The following PTPN13 variants were observed in gnomAD, a reference collection of about 807,000 sequenced individuals.
The protein encoded by PTPN13 is protein tyrosine phosphatase non-receptor type 13.
PTPN13 carries 191 observed loss-of-function variants against 284.0 expected under a neutral mutation model. The ratio of observed to expected loss-of-function variants is 0.67; its 90% CI spans 0.60 to 0.76. The LOEUF is 0.76. PTPN13 is among the 30% of genes least tolerant of loss of function. PTPN13 has a pLI of 0.00. For missense variants in PTPN13, 2,797 were observed against 2,939.9 expected, an observed-to-expected ratio of 0.95 and a Z score of 1.12; for synonymous variants, 986 against 1,022.3, an observed-to-expected ratio of 0.96 and a Z score of 0.68.
chr4:86,702,637 T>G (rs1055844257), intron 7 of PTPN13, among the ~76,000 whole-genome samples: 3 of 152,154 alleles, frequency 2.0e-5, no homozygotes, highest in African/African-American at 7.2e-5. Flanking sequence ...ATATGTTGAT[T>G]GGAGTAAAAT....
intron 40 of PTPN13, among the ~76,000 whole-genome samples, chr4:86,789,010 A>C (rs1430437833): frequency 6.6e-6 from 1 of 152,220 alleles, no homozygotes; most frequent in East Asian, 1.9e-4. Flanking sequence ...TTAAGCTAGG[A>C]AAGAGCATTC....
At position 86,771,437 on chromosome 4, in the gene PTPN13, A is replaced by G. The variant is rs1426745042; in HGVS notation, c.5070A>G (p.Ala1690=). 1 of 1,565,788 alleles carries G rather than the reference A, an allele frequency of 6.4e-7. No individual in the cohort carries two copies. Among genetic ancestry groups the G allele is most frequent in the South Asian group, 1.2e-5 (1 of 85,230 alleles). Reference sequence around the variant, plus strand: ...CTCTAAGCAACATGGTATCACAGGCACAGAGTCATCATGAAGCACCCAAGA... The same window carrying G: ...CTCTAAGCAACATGGTATCACAGGCGCAGAGTCATCATGAAGCACCCAAGA... ...HQTLSNMVSQ[A]QSHHEAPKSQ... Residue 1690 remains alanine, a synonymous_variant, in exon 31 of 48, where the codon GCA becomes GCG. Transcript: ENST00000411767.
At chr4:86,698,226 G>C (rs1047230741) in intron 6 of PTPN13, among the ~76,000 whole-genome samples, 3 of 152,134 alleles carry the variant, frequency 2.0e-5, no homozygotes, top group African/African-American at 7.2e-5. Flanking sequence ...TAAGGTAAAA[G>C]ATTTAAGGAT....
rs192806773 is a variant in PTPN13 at position 86,726,711 on chromosome 4, G to T, written c.1608+4277G>T. ...TGCTTATCAGCTTAAGGAGATTCGG[G>T]GCTGAGACGATGGGGTTTTCTAAAT... On this transcript the variant is annotated intron_variant, in intron 10 of 47. Transcript: ENST00000411767. Among the ~76,000 whole-genome samples, 5 of 149,354 alleles carry T rather than the reference G, an allele frequency of 3.3e-5. No individual in the cohort carries two copies. In the East Asian group the frequency reaches 9.7e-4, roughly 29 times the overall value.
chr4:86,685,068 A>G (rs1386591246), intron 3 of PTPN13, among the ~76,000 whole-genome samples: 1 of 152,072 alleles, frequency 6.6e-6, no homozygotes, highest in Non-Finnish European at 1.5e-5. Context: ...TTTAGCTTCA[A>G]TCTCCTTATC....
intron 23 of PTPN13, 21 bp from the exon 24 acceptor site, chr4:86,762,706 T>C (rs1348159781): frequency 6.5e-7 from 1 of 1,533,296 alleles, no homozygotes; most frequent in Non-Finnish European, 9.0e-7. Flanking sequence ...GTTACTCTCA[T>C]TGATGGATTT....
intron 2 of PTPN13, among the ~76,000 whole-genome samples, chr4:86,654,165 T>C (rs1190715145): frequency 6.6e-6 from 1 of 151,936 alleles, no homozygotes; most frequent in Non-Finnish European, 1.5e-5. Context: ...AAGAAATAAC[T>C]AAGACCAGAG....
intron 42 of PTPN13, among the ~76,000 whole-genome samples, chr4:86,802,168 T>C (rs560871674): frequency 1.3e-5 from 2 of 152,034 alleles, no homozygotes; most frequent in East Asian, 3.9e-4. Context: ...TGTGTGTGTG[T>C]GTGTGTGTGT....
intron 37 of PTPN13, 82 bp downstream of exon 37, chr4:86,782,344 C>T: frequency 8.0e-7 from 1 of 1,243,624 alleles, no homozygotes; most frequent in Non-Finnish European, 1.2e-6. Flanking sequence ...AAACTGATTT[C>T]ATATTTAAAT....
At chr4:86,655,283 T>A (rs1265960991) in intron 2 of PTPN13, among the ~76,000 whole-genome samples, 1 of 151,786 alleles carries the variant, frequency 6.6e-6, no homozygotes, top group Non-Finnish European at 1.5e-5. Context: ...ATCCTGTCAT[T>A]ATGATGTTAG....
chr4:86,629,506 T>C (rs1330342047), intron 1 of PTPN13, among the ~76,000 whole-genome samples: 4 of 152,164 alleles, frequency 2.6e-5, no homozygotes, highest in African/African-American at 7.2e-5. Flanking sequence ...GGTGGGACTG[T>C]GGTTCATTTT....
At chr4:86,752,548 C>T (rs1225334896) in intron 19 of PTPN13, among the ~76,000 whole-genome samples, 1 of 152,140 alleles carries the variant, frequency 6.6e-6, no homozygotes, top group East Asian at 1.9e-4. Context: ...AACGGGGCCT[C>T]ATACATTCTA....
intron 2 of PTPN13, among the ~76,000 whole-genome samples, chr4:86,637,447 C>T (rs1161715877): frequency 8.9e-4 from 134 of 150,686 alleles, no homozygotes; most frequent in Non-Finnish European, 1.3e-3. Context: ...ACTGGCAAAC[C>T]GAATCCAGCA....
At chr4:86,806,707 A>T (rs945633047) in intron 44 of PTPN13, among the ~76,000 whole-genome samples, 1 of 152,216 alleles carries the variant, frequency 6.6e-6, no homozygotes, top group African/African-American at 2.4e-5. Flanking sequence ...GAGAAGGGCA[A>T]TTGGTAGGGG....
At chr4:86,740,625 G>A (rs1736073735) in intron 15 of PTPN13, among the ~76,000 whole-genome samples, 1 of 152,152 alleles carries the variant, frequency 6.6e-6, no homozygotes, top group African/African-American at 2.4e-5. Context: ...CCATTGTCTT[G>A]GTGATTAACA....
intron 1 of PTPN13, among the ~76,000 whole-genome samples, chr4:86,600,205 G>A (rs533629404): frequency 6.6e-6 from 1 of 152,124 alleles, no homozygotes; most frequent in South Asian, 2.1e-4. Context: ...AGCTAAGACT[G>A]TGTCATCAAA....
intron 4 of PTPN13, among the ~76,000 whole-genome samples, chr4:86,688,452 A>G (rs959071446): frequency 2.0e-5 from 3 of 152,086 alleles, no homozygotes; most frequent in African/African-American, 7.2e-5. Flanking sequence ...ATTCAGATAT[A>G]ATATTCTACA....
At chr4:86,789,031 G>A (rs905952899) in intron 40 of PTPN13, among the ~76,000 whole-genome samples, 1 of 152,182 alleles carries the variant, frequency 6.6e-6, no homozygotes, top group African/African-American at 2.4e-5. Flanking sequence ...CATACATACC[G>A]TGGAGCTGCT....
chr4:86,743,186 CT>C (rs1320101408), intron 16 of PTPN13, among the ~76,000 whole-genome samples: 2 of 152,190 alleles, frequency 1.3e-5, no homozygotes, highest in African/African-American at 4.8e-5. Flanking sequence ...ATCAAATATT[CT>C]TTGTATGTGT....
Sources: gnomAD v4.1 joint callset for allele counts (sites outside exome capture counted in the v4.1 genomes callset) on GRCh38, gnomAD v4.1.1 for gene constraint, MANE v1.5 for transcripts, NCBI Gene and HGNC (gene_info 2026-07-23, HGNC 2026-07-21) for gene names.